Variants in ANO7 observed in about 807,000 individuals in gnomAD.
The protein encoded by ANO7 is anoctamin-7.
In ANO7, 114 loss-of-function variants were observed where a neutral mutation model predicts 115.8. The observed-to-expected ratio is 0.98, with a 90% CI of 0.85 to 1.15. The LOEUF (loss-of-function observed/expected upper bound fraction) is 1.15, where lower values mean the gene tolerates loss of function less well. Among genes scored for constraint, ANO7 ranks in the 50% most tolerant of loss-of-function variants. The pLI, the probability that ANO7 is intolerant of heterozygous loss-of-function variation, is 0.00. For missense variants in ANO7, 1,302 were observed against 1,201.2 expected, an observed-to-expected ratio of 1.08 and a Z score of -1.24; for synonymous variants, 550 against 498.2, an observed-to-expected ratio of 1.10 and a Z score of -1.38.
At chr2:241,230,139 C>A, downstream of ANO7, 2 of 1,604,904 alleles carry the variant, frequency 1.2e-6, no homozygotes. The surrounding 1 kb of genome is among the most constrained non-coding windows in gnomAD (Gnocchi z 5.0). Flanking sequence ...GCTCCAAGGC[C>A]CACAGAGACT....
intron 19 of ANO7, 182 bp from the exon 20 acceptor site, chr2:241,217,504 G>A (rs1360725520): frequency 1.8e-5 from 12 of 670,254 alleles, no homozygotes; most frequent in East Asian, 8.7e-5. Context: ...GCCTGAGGCC[G>A]GTCAGGAGAG....
the ANO7 span, among the ~76,000 whole-genome samples, chr2:241,233,276 G>A: frequency 1.3e-5 from 2 of 152,208 alleles, no homozygotes; most frequent in African/African-American, 4.8e-5. The surrounding 1 kb of genome is among the most constrained non-coding windows in gnomAD (Gnocchi z 4.3). Context: ...AGGGCCCAGA[G>A]AGGGGATGGG....
intron 17 of ANO7, among the ~76,000 whole-genome samples, chr2:241,214,474 G>GGCCT (rs901461887): frequency 6.6e-6 from 1 of 152,190 alleles, no homozygotes; most frequent in African/African-American, 2.4e-5. Flanking sequence ...CGATTGGTGG[G>GGCCT]GCCTGCCTCG....
Position 241,212,113 on chromosome 2 carries a change from C to T in ANO7, c.1581C>T (p.Thr527=). The T allele has an allele frequency of 3.1e-6, 5 of 1,614,070 alleles. No homozygotes were observed. Among genetic ancestry groups the T allele is most frequent in the Non-Finnish European group, 4.2e-6 (5 of 1,180,000 alleles). The change falls in exon 16 of 25, where the codon ACC becomes ACT. Residue 527 remains threonine (T), a synonymous_variant. Transcript: ENST00000674324. ...CCACAGAAATGCACCGCACCCAGAC[C>T]AAGTTCGAGGACGCCTTCACCCTCA... The part of the protein sequence containing the change: ...LTRWEMHRTQ[T]KFEDAFTLKV...
chr2:241,217,828 C>G lies in ANO7; in HGVS notation c.2115C>G (p.Ala705=). Residue 705 remains alanine, a synonymous_variant, in exon 20 of 25, where the codon GCC becomes GCG. Coordinates refer to ENST00000674324, the MANE Select transcript of ANO7 (RefSeq NM_001370694.2). ...ACCGGCGCCCGGTGGCCGAGCGCGC[C>G]CAGGACATCGGCATCTGGTTCCACA... ...CEYRRPVAER[A]QDIGIWFHIL... is the part of the protein sequence containing the mutation. 6.2e-7 allele frequency: 1 copy of G among 1,609,368 alleles called. No homozygotes were observed. The highest frequency in any genetic ancestry group is 1.1e-5 in the South Asian group (1 of 90,694).
intron 13 of ANO7, among the ~76,000 whole-genome samples, 158 bp downstream of exon 13, chr2:241,209,793 C>T (rs554234836): frequency 9.9e-5 from 15 of 152,268 alleles, no homozygotes; most frequent in East Asian, 7.7e-4. Flanking sequence ...CGGGCTCGGC[C>T]GTGGGGTCCC....
intron 9 of ANO7, 104 bp from the exon 10 acceptor site, chr2:241,204,761 G>T: frequency 1.3e-6 from 1 of 799,600 alleles, no homozygotes. Context: ...CCCCCAAGCT[G>T]GGCTGAGGGT....
Position 241,224,036 on chromosome 2 carries a change from G to A in ANO7, c.2584-61G>A, listed in dbSNP as rs368872821. 6.1e-5 allele frequency: 99 copies of A among 1,613,080 alleles called. No homozygotes were observed. In the African/African-American group the frequency reaches 7.6e-4, roughly 12 times the overall value. On this transcript the variant is annotated intron_variant, in intron 24 of 24. Transcript: ENST00000674324. ...CCTGCCCAGCCGCCCACTGTGCCTC[G>A]TGGCCATGGCCTGCTCCTGGCCCTA...
intron 3 of ANO7, among the ~76,000 whole-genome samples, chr2:241,192,550 C>T (rs2068231276): frequency 6.6e-6 from 1 of 152,162 alleles, no homozygotes; most frequent in Non-Finnish European, 1.5e-5. Flanking sequence ...ACCCTAATAG[C>T]CATCACGTGT....
At chr2:241,191,146 G>A (rs375452053) in intron 2 of ANO7, 48 bp from the exon 3 acceptor site, 215 of 1,609,772 alleles carry the variant, frequency 1.3e-4, no homozygotes, top group Non-Finnish European at 1.7e-4. Flanking sequence ...TAGTTGTCGA[G>A]GGCAGATGCT....
rs759077739 is a variant in ANO7 at position 241,202,289 on chromosome 2, C to G, written c.708C>G (p.Ala236=). The G allele has an allele frequency of 6.2e-7, 1 of 1,613,168 alleles. No individual in the cohort carries two copies. The highest frequency in any genetic ancestry group is 8.5e-7 in the Non-Finnish European group (1 of 1,179,944). The change falls in exon 8 of 25, where the codon GCC becomes GCG. Residue 236 remains alanine (A), a synonymous_variant. Transcript: ENST00000674324. ...TGGCAGAGGGTGTCCTCAGTGCCGC[C>G]TTCCCCCTGCATGACGTGAGCTCGG... is the stretch of plus-strand genomic sequence containing the variant. ...QLLAEGVLSA[A]FPLHDGPFKT... is the part of the protein sequence containing the mutation.
the ANO7 span, among the ~76,000 whole-genome samples, chr2:241,234,714 C>G: frequency 2.6e-5 from 4 of 152,198 alleles, no homozygotes; most frequent in Non-Finnish European, 5.9e-5. Flanking sequence ...GGGGTTTCAT[C>G]CCTGCTTACC....
chr2:241,231,397 CA>C, the ANO7 span: 620 of 136,462 alleles, frequency 4.5e-3, 9 homozygotes, highest in Admixed American at 0.026. Context: ...AAAAAAAAAA[CA>C]AAAAAAAAAC....
the ANO7 span, among the ~76,000 whole-genome samples, chr2:241,236,989 G>A: frequency 3.3e-5 from 5 of 150,352 alleles, no homozygotes; most frequent in African/African-American, 4.9e-5. Flanking sequence ...GGGGGGGGGG[G>A]GGGGGCGGCA....
rs1470407261 is a variant in ANO7, at chr2:241,199,022, C to T, written c.310-294C>T. The T allele has an allele frequency of 7.3e-6, 3 of 412,294 alleles. No homozygotes were observed. The Admixed American group carries it at 1.1e-4, about 15-fold the overall frequency. 25.5% of individuals were successfully genotyped at this position (412,294 alleles called of 1,614,324 possible). A position where few individuals can be genotyped will look rare whatever the true frequency, so the allele number is the denominator to read the frequency against. The stretch of plus-strand genomic sequence containing the variant: ...TGTCAGCATAGTCTGGCCAGCAGGG[C>T]AAGGCTCTCCCTAGCCTTAGGGGAG... On this transcript the variant is annotated intron_variant, in intron 4 of 24. Coordinates refer to ENST00000674324, the MANE Select transcript of ANO7 (RefSeq NM_001370694.2).
intron 2 of ANO7, 121 bp downstream of exon 2, chr2:241,190,292 C>T: frequency 2.6e-6 from 2 of 775,650 alleles, no homozygotes; most frequent in Non-Finnish European, 4.2e-6. Context: ...TCTCCTGCAT[C>T]CCCCGGCAAC....
intron 4 of ANO7, among the ~76,000 whole-genome samples, chr2:241,198,520 G>A (rs1194102175): frequency 2.6e-5 from 4 of 152,200 alleles, no homozygotes; most frequent in East Asian, 1.9e-4. Flanking sequence ...GCCCCAGCAC[G>A]TTGCCCAAAG....
the ANO7 span, chr2:241,235,639 G>T: frequency 7.2e-7 from 1 of 1,381,246 alleles, no homozygotes; most frequent in Non-Finnish European, 1.0e-6. Flanking sequence ...GCTGAGAGCA[G>T]AGTGACGTTG....
At chr2:241,239,299 T>C in the ANO7 span, among the ~76,000 whole-genome samples, 2 of 152,164 alleles carry the variant, frequency 1.3e-5, no homozygotes, top group Non-Finnish European at 2.9e-5. This position sits in a 1 kb window ranked among gnomAD's most constrained non-coding sequence, Gnocchi z 4.6. Flanking sequence ...TGATCCCTTA[T>C]ACAGAATGCA....
Sources: gnomAD v4.1 joint callset for allele counts (sites outside exome capture counted in the v4.1 genomes callset) on GRCh38, gnomAD v4.1.1 for gene constraint, Gnocchi (gnomAD v3.1) non-coding constraint, MANE v1.5 for transcripts, NCBI Gene and HGNC (gene_info 2026-07-23, HGNC 2026-07-21) for gene names.